NEGR1: variants seen among roughly 807,000 people sequenced by gnomAD.
NEGR1 encodes IgLON family member 4.
NEGR1 carries 10 observed loss-of-function variants against 40.9 expected under a neutral mutation model. That is an observed-to-expected ratio of 0.24 (90% CI 0.15 to 0.42). The LOEUF (loss-of-function observed/expected upper bound fraction) is 0.42, where lower values mean the gene tolerates loss of function less well. Among genes scored for constraint, NEGR1 ranks in the 10% least tolerant of loss-of-function variants. NEGR1 has a pLI of 1.00. For synonymous variants in NEGR1, 185 were observed against 166.8 expected, an observed-to-expected ratio of 1.11 and a Z score of -0.84; for missense variants, 352 against 438.9, an observed-to-expected ratio of 0.80 and a Z score of 1.77.
At chr1:72,249,616 G>A (rs913692976) in intron 1 of NEGR1, among the ~76,000 whole-genome samples, 33 of 152,076 alleles carry the variant, frequency 2.2e-4, no homozygotes, top group Non-Finnish European at 4.4e-4. Context: ...ACTTATCCAT[G>A]TGGCCAAGAT....
chr1:71,830,043 G>A (rs1454028391), intron 2 of NEGR1, among the ~76,000 whole-genome samples: 4 of 151,752 alleles, frequency 2.6e-5, no homozygotes, highest in South Asian at 2.1e-4. Flanking sequence ...TACACAAATC[G>A]GACCCCAATT....
At chr1:72,192,707 T>C (rs1652860111) in intron 1 of NEGR1, among the ~76,000 whole-genome samples, 1 of 151,906 alleles carries the variant, frequency 6.6e-6, no homozygotes, top group Non-Finnish European at 1.5e-5. Context: ...AAATTGCATA[T>C]TGCCAGATTA....
intron 1 of NEGR1, among the ~76,000 whole-genome samples, chr1:72,032,275 C>T (rs985711961): frequency 1.3e-5 from 2 of 152,084 alleles, no homozygotes; most frequent in Non-Finnish European, 2.9e-5. Flanking sequence ...AAATAACTGA[C>T]GTGCAAATGG....
chr1:72,156,037 A>G (rs1159259138), intron 1 of NEGR1, among the ~76,000 whole-genome samples: 1 of 152,172 alleles, frequency 6.6e-6, no homozygotes, highest in African/African-American at 2.4e-5. Context: ...CACATACAAG[A>G]AAATGATCTA....
At chr1:71,782,454 T>C (rs1275602821) in intron 2 of NEGR1, among the ~76,000 whole-genome samples, 2 of 152,178 alleles carry the variant, frequency 1.3e-5, no homozygotes, top group Non-Finnish European at 2.9e-5. Flanking sequence ...ACTCCTATAC[T>C]CATTTCTTGT....
intron 3 of NEGR1, among the ~76,000 whole-genome samples, chr1:71,746,635 A>G (rs1557636887): frequency 6.6e-6 from 1 of 151,468 alleles, no homozygotes; most frequent in African/African-American, 2.4e-5. Context: ...TCCTCAATGC[A>G]TCTTCTTTTT....
At chr1:71,647,983 C>CTA (rs774992562) in intron 4 of NEGR1, among the ~76,000 whole-genome samples, 48 of 151,828 alleles carry the variant, frequency 3.2e-4, no homozygotes, top group Non-Finnish European at 5.4e-4. Context: ...AGGTAAAAGT[C>CTA]TATATATATA....
At chr1:71,450,401 C>T (rs773920671) in intron 6 of NEGR1, among the ~76,000 whole-genome samples, 4 of 152,132 alleles carry the variant, frequency 2.6e-5, no homozygotes, top group Non-Finnish European at 5.9e-5. Flanking sequence ...TCATTTAAAT[C>T]GTAAATACTA....
In NEGR1 at chr1:71,850,134, T is replaced by A. The variant is rs1040687229; in HGVS notation, c.410-73837A>T. On this transcript the variant is annotated intron_variant, in intron 2 of 6. Coordinates refer to ENST00000357731, the MANE Select transcript of NEGR1 (RefSeq NM_173808.3). ...TTAAGAACATTTATAATCTACTGTCTTTTTTTGTTTGTTTGTTTGTTTGTT... is the reference window on the plus strand; with the variant it reads ...TTAAGAACATTTATAATCTACTGTCATTTTTTGTTTGTTTGTTTGTTTGTT... Among the ~76,000 whole-genome samples the A allele has an allele frequency of 1.8e-3, 144 of 81,500 alleles. 1 individual carries two copies. The highest frequency in any genetic ancestry group is 5.8e-3 in the African/African-American group (140 of 24,030). The allele number at this position is 81,500 out of a possible 152,430, so 53.5% of individuals were successfully genotyped here. A position where few individuals can be genotyped will look rare whatever the true frequency, so the allele number is the denominator to read the frequency against.
At chr1:72,118,877 G>T (rs1213305367) in intron 1 of NEGR1, among the ~76,000 whole-genome samples, 2 of 151,156 alleles carry the variant, frequency 1.3e-5, no homozygotes, top group Non-Finnish European at 3.0e-5. Context: ...TTAAATAAAT[G>T]TAGATGTTAA....
chr1:72,091,539 A>G (rs1648498750), intron 1 of NEGR1, among the ~76,000 whole-genome samples: 1 of 151,870 alleles, frequency 6.6e-6, no homozygotes, highest in Non-Finnish European at 1.5e-5. Context: ...TAGGAGAGCC[A>G]GGAATGAATA....
intron 4 of NEGR1, among the ~76,000 whole-genome samples, chr1:71,670,760 TCAA>T (rs1327669031): frequency 5.3e-5 from 8 of 151,120 alleles, no homozygotes; most frequent in Non-Finnish European, 7.4e-5. Context: ...TGGAAAAATT[TCAA>T]CAACAATTCT....
intron 1 of NEGR1, among the ~76,000 whole-genome samples, chr1:72,206,057 T>C (rs979032455): frequency 6.6e-5 from 10 of 151,370 alleles, no homozygotes; most frequent in Non-Finnish European, 5.9e-5. Context: ...CTGGGGTACA[T>C]GGTTTGGTGG....
chr1:72,007,446 A>G (rs1358345121), intron 1 of NEGR1, among the ~76,000 whole-genome samples: 1 of 151,768 alleles, frequency 6.6e-6, no homozygotes, highest in Non-Finnish European at 1.5e-5. Context: ...TTTCTGGGTC[A>G]AGCTCAGTGT....
chr1:71,626,360 C>G (rs928268911), intron 4 of NEGR1, among the ~76,000 whole-genome samples: 1 of 131,162 alleles, frequency 7.6e-6, no homozygotes, highest in African/African-American at 2.8e-5. Flanking sequence ...ATCCCTCCCC[C>G]CTCCCCCGAC....
chr1:72,183,333 G>C (rs1251428054), intron 1 of NEGR1, among the ~76,000 whole-genome samples: 1 of 151,980 alleles, frequency 6.6e-6, no homozygotes, highest in Non-Finnish European at 1.5e-5. Flanking sequence ...TTATTGTTTG[G>C]GGTTTCTTCT....
At chr1:71,740,553 T>C (rs1242048195) in intron 3 of NEGR1, among the ~76,000 whole-genome samples, 2 of 152,146 alleles carry the variant, frequency 1.3e-5, no homozygotes, top group Non-Finnish European at 2.9e-5. Context: ...AGATGTTTCC[T>C]GGGGCCTGTC....
chr1:72,107,664 T>A (rs1200821581), intron 1 of NEGR1, among the ~76,000 whole-genome samples: 1 of 151,430 alleles, frequency 6.6e-6, no homozygotes. Context: ...AATTATTTTA[T>A]CAACAGAATC....
intron 5 of NEGR1, among the ~76,000 whole-genome samples, chr1:71,599,356 G>T (rs1434582169): frequency 6.6e-6 from 1 of 152,172 alleles, no homozygotes; most frequent in African/African-American, 2.4e-5. Flanking sequence ...ATGGCATCCT[G>T]ATTTCAAGAT....
Sources: gnomAD v4.1 joint callset for allele counts (sites outside exome capture counted in the v4.1 genomes callset) on GRCh38, gnomAD v4.1.1 for gene constraint, MANE v1.5 for transcripts, NCBI Gene and HGNC (gene_info 2026-07-23, HGNC 2026-07-21) for gene names.